Variants in PDE8B observed in about 807,000 individuals in gnomAD.
PDE8B encodes high affinity cAMP-specific and IBMX-insensitive 3',5'-cyclic phosphodiesterase 8B.
A neutral mutation model predicts 101.3 loss-of-function variants in PDE8B; 26 were observed. The observed-to-expected ratio is 0.26, with a 90% CI of 0.19 to 0.36. The LOEUF is 0.36. Among genes scored for constraint, PDE8B ranks in the 10% least tolerant of loss-of-function variants. The probability of loss-of-function intolerance (pLI) is 1.00; values close to 1 mark genes in which losing one functional copy is unlikely to be tolerated. For missense variants in PDE8B, 810 were observed against 1,163.1 expected, an observed-to-expected ratio of 0.70 and a Z score of 4.42; for synonymous variants, 424 against 429.3, an observed-to-expected ratio of 0.99 and a Z score of 0.15.
the PDE8B span, among the ~76,000 whole-genome samples, chr5:77,158,615 G>A: frequency 0.29 from 44,408 of 152,116 alleles, 7,992 homozygotes; most frequent in Non-Finnish European, 0.4. Flanking sequence ...GAGCCTGGGT[G>A]GGTGGCCTGT....
At chr5:77,204,245 C>G in the PDE8B span, among the ~76,000 whole-genome samples, 1 of 151,412 alleles carries the variant, frequency 6.6e-6, no homozygotes, top group East Asian at 1.9e-4. Flanking sequence ...CCCATCTCTA[C>G]TAAAAATATA....
the PDE8B span, among the ~76,000 whole-genome samples, chr5:77,154,915 C>T: frequency 2.0e-5 from 3 of 152,318 alleles, no homozygotes; most frequent in East Asian, 5.8e-4. Context: ...CATGGACTCT[C>T]AGCGGTGGCA....
At chr5:77,119,841 T>C in the PDE8B span, among the ~76,000 whole-genome samples, 117,807 of 151,586 alleles carry the variant, frequency 0.78, 46,547 homozygotes, top group African/African-American at 0.93. Flanking sequence ...AAGACCCTGT[T>C]TTCACAAAAA....
the PDE8B span, chr5:77,145,425 T>C: frequency 1.3e-5 from 2 of 152,196 alleles, no homozygotes; most frequent in African/African-American, 4.8e-5. Flanking sequence ...GCTTGTGGCA[T>C]AGAGATAAGT....
In PDE8B at chr5:77,418,461, G is replaced by T. The variant is rs780002479; in HGVS notation, c.2129+15G>T. On this transcript the variant is annotated intron_variant, in intron 18 of 21. Transcript: ENST00000264917. ...AATATTGACAGGTTTGTTGTGCTGG[G>T]GCTCCTGTGCTCAAGTTTGTGAAGT... is the stretch of plus-strand genomic sequence containing the variant. 3 of 1,581,806 alleles carry T rather than the reference G, an allele frequency of 1.9e-6. No individual in the cohort carries two copies. The South Asian group carries it at 3.3e-5, about 18-fold the overall frequency.
the PDE8B span, among the ~76,000 whole-genome samples, chr5:77,102,417 G>C: frequency 6.6e-6 from 1 of 152,054 alleles, no homozygotes; most frequent in Non-Finnish European, 1.5e-5. Flanking sequence ...AATTTAGTTT[G>C]GTTTTGTTTT....
At chr5:77,325,355 A>G (rs1306558024) in intron 2 of PDE8B, among the ~76,000 whole-genome samples, 184 bp from the exon 3 acceptor site, 1 of 152,050 alleles carries the variant, frequency 6.6e-6, no homozygotes, top group East Asian at 1.9e-4. Context: ...TTTTTTGTAG[A>G]GGCAGAGTTT....
chr5:77,147,047 T>C, the PDE8B span: 1 of 436,036 alleles, frequency 2.3e-6, no homozygotes, highest in South Asian at 1.8e-5. Context: ...AAAAGGATAT[T>C]GCCTCATACT....
intron 6 of PDE8B, 112 bp from the exon 7 acceptor site, chr5:77,344,741 C>T (rs1779849334): frequency 1.3e-6 from 1 of 797,204 alleles, no homozygotes; most frequent in South Asian, 1.4e-5. Flanking sequence ...ATGGCAATAA[C>T]AAAAAGTACG....
rs150107536 is a variant in PDE8B at position 77,322,014 on chromosome 5, A to G, written c.400-3525A>G. Among the ~76,000 whole-genome samples, 506 of 152,284 alleles carry G rather than the reference A, an allele frequency of 3.3e-3. 1 individual carries two copies. The highest frequency in any genetic ancestry group is 0.012 in the African/African-American group (491 of 41,558). ...CAGGAGGCACAGGGAGCGGGAGGAGATCCCGGGCAAGAGCCTCCACTGTGG... is the reference window on the plus strand; with the variant it reads ...CAGGAGGCACAGGGAGCGGGAGGAGGTCCCGGGCAAGAGCCTCCACTGTGG... On this transcript the variant is annotated intron_variant, in intron 2 of 21. Coordinates refer to ENST00000264917, the MANE Select transcript of PDE8B (RefSeq NM_003719.5).
Position 77,211,191 on chromosome 5 carries a change from C to G in PDE8B, c.266C>G (p.Thr89Ser). 6.4e-7 allele frequency: 1 copy of G among 1,556,646 alleles called. No individual in the cohort carries two copies. Residue 89 changes from threonine (T) to serine (S), a missense_variant, in exon 1 of 22, where the codon ACC (threonine) becomes AGC (serine). Transcript: ENST00000264917. The surrounding 1 kb of genome is among the most constrained non-coding windows in gnomAD (Gnocchi z 4.1). ...GGTTCCGCAGCCCCCGCCGCGACCA[C>G]CAGCAGGGGCCGGAGGCGCCACTGC... ...SAGSAAPAAT[T>S]SRGRRRHCCS...
intron 1 of PDE8B, among the ~76,000 whole-genome samples, chr5:77,218,940 G>A (rs1411464454): frequency 6.6e-6 from 1 of 152,130 alleles, no homozygotes; most frequent in Non-Finnish European, 1.5e-5. Context: ...ATGACTAACT[G>A]GATTTATAGA....
chr5:77,224,378 A>C (rs1309498527), intron 1 of PDE8B, among the ~76,000 whole-genome samples: 1 of 152,212 alleles, frequency 6.6e-6, no homozygotes, highest in Non-Finnish European at 1.5e-5. Context: ...AATGTATACA[A>C]ATGTAGTGAG....
chr5:77,261,197 G>C (rs1760507355), intron 1 of PDE8B, among the ~76,000 whole-genome samples: 1 of 152,184 alleles, frequency 6.6e-6, no homozygotes, highest in South Asian at 2.1e-4. Flanking sequence ...TCTAGAGGAG[G>C]TAGTAAAACC....
rs149702957 is a variant in PDE8B, at chr5:77,340,062, A to G, written c.797+2747A>G. 8.9e-4 allele frequency among the ~76,000 whole-genome samples: 135 copies of G among 152,350 alleles called. 1 individual carries two copies. The East Asian group carries it at 0.024, about 28-fold the overall frequency. On this transcript the variant is annotated intron_variant, in intron 6 of 21. Transcript: ENST00000264917. ...TCTTCTGATGTTCTTACACCTCTTTATCATGAAAAGATCTATTTTATCTAA... is the reference window on the plus strand; with the variant it reads ...TCTTCTGATGTTCTTACACCTCTTTGTCATGAAAAGATCTATTTTATCTAA...
chr5:77,146,849 A>G, the PDE8B span: 11 of 352,056 alleles, frequency 3.1e-5, no homozygotes, highest in African/African-American at 6.5e-5. Flanking sequence ...AAGGATCCCA[A>G]TGCACCCAAG....
At chr5:77,400,001 C>T (rs1040667866) in intron 10 of PDE8B, among the ~76,000 whole-genome samples, 5 of 152,192 alleles carry the variant, frequency 3.3e-5, no homozygotes, top group African/African-American at 1.2e-4. Context: ...GATGTCCTGT[C>T]TAGAGAGTAT....
intron 10 of PDE8B, among the ~76,000 whole-genome samples, chr5:77,384,684 G>T (rs937279264): frequency 3.3e-5 from 5 of 152,106 alleles, no homozygotes; most frequent in African/African-American, 7.2e-5. Context: ...TAGTGTGAAG[G>T]CCTGTTGAAT....
chr5:77,130,119 G>A, the PDE8B span, among the ~76,000 whole-genome samples: 2 of 152,116 alleles, frequency 1.3e-5, no homozygotes, highest in East Asian at 3.9e-4. Flanking sequence ...GCATTTGAAA[G>A]GATATAATGG....
Sources: gnomAD v4.1 joint callset for allele counts (sites outside exome capture counted in the v4.1 genomes callset) on GRCh38, gnomAD v4.1.1 for gene constraint, Gnocchi (gnomAD v3.1) non-coding constraint, MANE v1.5 for transcripts, NCBI Gene and HGNC (gene_info 2026-07-23, HGNC 2026-07-21) for gene names.